AP3B1: variants seen among roughly 807,000 people sequenced by gnomAD.
AP3B1 encodes adaptor related protein complex 3 subunit beta 1.
Under a neutral mutation model 132.5 loss-of-function variants are expected in AP3B1, and 61 were observed. The observed-to-expected ratio is 0.46, with a 90% CI of 0.37 to 0.57. The LOEUF is 0.57. Among genes scored for constraint, AP3B1 ranks in the 20% least tolerant of loss-of-function variants. The pLI, the probability that AP3B1 is intolerant of heterozygous loss-of-function variation, is 0.00. For synonymous variants in AP3B1, 388 were observed against 438.3 expected (o/e 0.89, Z 1.43); for missense variants, 1,120 against 1,289.4 (o/e 0.87, Z 2.01).
chr5:78,030,717 C>G (rs1217919266), intron 24 of AP3B1, among the ~76,000 whole-genome samples: 1 of 152,110 alleles, frequency 6.6e-6, no homozygotes, highest in Non-Finnish European at 1.5e-5. Context: ...CACTCTGTCG[C>G]CTAGGCTGGA....
rs747917342 is a variant in AP3B1 at position 78,129,248 on chromosome 5, G to C, written c.1710C>G (p.Ile570Met). The C allele has an allele frequency of 6.2e-7, 1 of 1,613,360 alleles. No individual in the cohort carries two copies. The highest frequency in any genetic ancestry group is 2.2e-5 in the East Asian group (1 of 44,824). ...GCCTAATAAATCTTGTACGGTCTCTGATGTCGTAGTTTTGATCATACTTGC... is the reference window on the plus strand; with the variant it reads ...GCCTAATAAATCTTGTACGGTCTCTCATGTCGTAGTTTTGATCATACTTGC... ...NLGKYDQNYD[I>M]RDRTRFIRQL... Residue 570 changes from isoleucine to methionine, a missense_variant, in exon 16 of 27, where the codon ATC becomes ATG. By Grantham distance (10) the Ile-to-Met change is conservative. Around this residue, in one of 3 missense-constraint regions of AP3B1, gnomAD observed 906 missense variants for 997.1 expected, o/e 0.91. Transcript: ENST00000255194.
At chr5:78,266,645 C>T (rs1398831613) in intron 2 of AP3B1, among the ~76,000 whole-genome samples, 1 of 151,988 alleles carries the variant, frequency 6.6e-6, no homozygotes, top group Non-Finnish European at 1.5e-5. Context: ...TCAATTTTGA[C>T]CTTATTATAT....
chr5:78,043,555 T>G (rs1274375505), intron 22 of AP3B1: 4 of 437,026 alleles, frequency 9.2e-6, no homozygotes, highest in Non-Finnish European at 1.4e-5. Context: ...TCACTACTTC[T>G]TTGACCTTCC....
intron 3 of AP3B1, among the ~76,000 whole-genome samples, chr5:78,230,133 C>T (rs1334261093): frequency 6.6e-6 from 1 of 152,128 alleles, no homozygotes; most frequent in African/African-American, 2.4e-5. Context: ...ACACCTTTTC[C>T]AAATGTACTG....
chr5:78,033,081 T>C (rs1747647011), intron 24 of AP3B1, among the ~76,000 whole-genome samples: 1 of 152,078 alleles, frequency 6.6e-6, no homozygotes, highest in Admixed American at 6.5e-5. Context: ...AAAAGGAATC[T>C]TTTTTAGTTC....
At position 78,294,474 on chromosome 5, in the gene AP3B1, G is replaced by C; in HGVS notation, c.106C>G (p.Leu36Val). The C allele has an allele frequency of 1.2e-6, 2 of 1,614,240 alleles. No individual in the cohort carries two copies. The highest frequency in any genetic ancestry group is 1.7e-5 in the Admixed American group (1 of 60,034). ...STISPSGAFG[L>V]FSSDLKKNED... ...CACTTCTTCAAATCGCTGCTAAAGA[G>C]GCCGAAGGCCCCCGAGGGGGAAATG... The change falls in exon 1 of 27, where the codon CTC (leucine) becomes GTC (valine). Residue 36 changes from leucine (L) to valine (V), a missense_variant. Coordinates refer to ENST00000255194, the MANE Select transcript of AP3B1 (RefSeq NM_003664.5).
intron 14 of AP3B1, among the ~76,000 whole-genome samples, chr5:78,147,353 T>C (rs192732611): frequency 2.0e-4 from 31 of 152,272 alleles, no homozygotes; most frequent in Admixed American, 1.7e-3. Context: ...ATTTTCAACT[T>C]TTATCACTTG....
intron 22 of AP3B1, among the ~76,000 whole-genome samples, chr5:78,080,064 A>G (rs1345504371): frequency 6.6e-6 from 1 of 152,162 alleles, no homozygotes; most frequent in African/African-American, 2.4e-5. Flanking sequence ...GCTGGAGTGC[A>G]GTGGTGCGAT....
At chr5:78,094,726 G>C (rs1750700988) in intron 21 of AP3B1, among the ~76,000 whole-genome samples, 1 of 151,932 alleles carries the variant, frequency 6.6e-6, no homozygotes, top group Non-Finnish European at 1.5e-5. Context: ...TGTCACCCAG[G>C]CTGGAGTGCA....
intron 18 of AP3B1, among the ~76,000 whole-genome samples, chr5:78,114,712 T>A (rs1414399911): frequency 6.6e-6 from 1 of 152,184 alleles, no homozygotes; most frequent in Non-Finnish European, 1.5e-5. Flanking sequence ...GAAGCCCTCT[T>A]AGGCAGGAAC....
chr5:78,107,348 T>A (rs1245104205), intron 20 of AP3B1, among the ~76,000 whole-genome samples: 3 of 152,134 alleles, frequency 2.0e-5, no homozygotes, highest in Non-Finnish European at 4.4e-5. Context: ...ATAACTGGGT[T>A]AAGAAGTACA....
intron 1 of AP3B1, among the ~76,000 whole-genome samples, chr5:78,285,612 T>C (rs1466519813): frequency 6.6e-6 from 1 of 152,142 alleles, no homozygotes; most frequent in Non-Finnish European, 1.5e-5. Flanking sequence ...TCCACATGGA[T>C]GCCTAATCGC....
chr5:78,175,454 T>C (rs1744108669), intron 11 of AP3B1, among the ~76,000 whole-genome samples, 172 bp downstream of exon 11: 1 of 152,190 alleles, frequency 6.6e-6, no homozygotes, highest in African/African-American at 2.4e-5. Flanking sequence ...TATCAGAATG[T>C]AGTACAGTAA....
intron 7 of AP3B1, among the ~76,000 whole-genome samples, chr5:78,190,975 T>C (rs540132238): frequency 7.2e-5 from 11 of 152,196 alleles, no homozygotes; most frequent in Non-Finnish European, 1.5e-4. Context: ...CTTACACAAC[T>C]GCTTCATTTT....
intron 7 of AP3B1, among the ~76,000 whole-genome samples, chr5:78,205,432 C>CAT (rs199735461): frequency 3.3e-5 from 5 of 150,962 alleles, no homozygotes; most frequent in South Asian, 2.1e-4. Context: ...TATATATATA[C>CAT]ATATATATAT....
chr5:78,223,866 T>C (rs919638296), intron 6 of AP3B1, among the ~76,000 whole-genome samples: 4 of 152,204 alleles, frequency 2.6e-5, no homozygotes, highest in Non-Finnish European at 4.4e-5. Flanking sequence ...TTACCTATGA[T>C]ATGCTGTATC....
chr5:78,134,936 T>C (rs773194220), intron 15 of AP3B1, among the ~76,000 whole-genome samples: 70 of 152,232 alleles, frequency 4.6e-4, no homozygotes, highest in Non-Finnish European at 1.6e-4. Flanking sequence ...TTTGTCAACT[T>C]GAAAAGTTTT....
chr5:78,269,927 C>CT (rs1748480568), intron 1 of AP3B1, among the ~76,000 whole-genome samples: 1 of 151,368 alleles, frequency 6.6e-6, no homozygotes, highest in African/African-American at 2.4e-5. Flanking sequence ...TTTGTTCTTT[C>CT]TTTTGAGACA....
chr5:78,236,985 T>C (rs1746905501), intron 3 of AP3B1, among the ~76,000 whole-genome samples: 1 of 152,200 alleles, frequency 6.6e-6, no homozygotes, highest in Non-Finnish European at 1.5e-5. Flanking sequence ...TAATCATAAG[T>C]AAAATTGATT....
Sources: gnomAD v4.1 joint callset for allele counts (sites outside exome capture counted in the v4.1 genomes callset) on GRCh38, gnomAD v4.1.1 for gene constraint, gnomAD v4.1.1 regional missense constraint, MANE v1.5 for transcripts, NCBI Gene and HGNC (gene_info 2026-07-23, HGNC 2026-07-21) for gene names.